CNTN5: variants seen among roughly 807,000 people sequenced by gnomAD.
The protein encoded by CNTN5 is contactin-5.
In CNTN5, 77 loss-of-function variants were observed where a neutral mutation model predicts 129.1. The observed-to-expected ratio is 0.60, with a 90% CI of 0.50 to 0.72. The LOEUF (loss-of-function observed/expected upper bound fraction) is 0.72, where lower values mean the gene tolerates loss of function less well. Ranked by LOEUF, CNTN5 falls within the 30% of genes least tolerant of loss-of-function variation. The pLI is 0.00. For synonymous variants in CNTN5, 509 were observed against 465.6 expected (o/e 1.09, Z -1.20); for missense variants, 1,478 against 1,328.8 (o/e 1.11, Z -1.75).
At position 99,484,821 on chromosome 11, in the gene CNTN5, T is replaced by C. The variant is rs1945746148; in HGVS notation, c.-70-71324T>C. On this transcript the variant is annotated intron_variant, in intron 2 of 24. Coordinates refer to ENST00000524871, the MANE Select transcript of CNTN5 (RefSeq NM_014361.4). ...CCACCTGTTCTCATTCACATTCATA[T>C]GTGGAAGCAAAAACACATACAAACA... Among the ~76,000 whole-genome samples, 3 of 152,100 alleles carry C rather than the reference T, an allele frequency of 2.0e-5. No homozygotes were observed. In the South Asian group the frequency reaches 6.2e-4, roughly 32 times the overall value.
chr11:99,823,457 CA>C, intron 4 of CNTN5, among the ~76,000 whole-genome samples: 1 of 151,918 alleles, frequency 6.6e-6, no homozygotes, highest in Middle Eastern at 3.4e-3. Context: ...ATATTTTCTA[CA>C]AGGCCTACTT....
intron 3 of CNTN5, among the ~76,000 whole-genome samples, chr11:99,765,900 T>A (rs1944738268): frequency 6.6e-6 from 1 of 151,918 alleles, no homozygotes; most frequent in African/African-American, 2.4e-5. Context: ...AGTCAAATAA[T>A]ACAATCACAT....
Position 99,714,469 on chromosome 11 carries a change from A to G in CNTN5, c.56-105075A>G, listed in dbSNP as rs191979705. Among the ~76,000 whole-genome samples, 105 of 152,074 alleles carry G rather than the reference A, an allele frequency of 6.9e-4. 1 individual carries two copies. The East Asian group carries it at 0.014, about 21-fold the overall frequency. On this transcript the variant is annotated intron_variant, in intron 3 of 24. Coordinates refer to ENST00000524871, the MANE Select transcript of CNTN5 (RefSeq NM_014361.4). ...ACAAAAGGAGTCTACCTAATGAAGC[A>G]TAGGGTCTGGATGGTTTAACTTATT...
At chr11:99,070,181 C>G (rs920104466) in intron 1 of CNTN5, among the ~76,000 whole-genome samples, 1 of 152,138 alleles carries the variant, frequency 6.6e-6, no homozygotes, top group Non-Finnish European at 1.5e-5. Flanking sequence ...GGTTGTGACT[C>G]CAGAATCTAT....
At chr11:99,273,194 A>T (rs150256046) in intron 1 of CNTN5, among the ~76,000 whole-genome samples, 1 of 151,916 alleles carries the variant, frequency 6.6e-6, no homozygotes, top group East Asian at 1.9e-4. Context: ...GAAGGGACAT[A>T]TGCACCAATT....
At chr11:100,184,319 ATAGAG>A (rs1166777898) in intron 13 of CNTN5, among the ~76,000 whole-genome samples, 1 of 152,192 alleles carries the variant, frequency 6.6e-6, no homozygotes, top group African/African-American at 2.4e-5. Context: ...AAGATCACAC[ATAGAG>A]TAGTCAGTGT....
chr11:99,316,209 C>T (rs1865335777), intron 1 of CNTN5, among the ~76,000 whole-genome samples: 1 of 152,008 alleles, frequency 6.6e-6, no homozygotes, highest in African/African-American at 2.4e-5. Flanking sequence ...TTATCGTATC[C>T]AAGATGAAAG....
chr11:99,808,840 A>G (rs1043183449), intron 3 of CNTN5, among the ~76,000 whole-genome samples: 5 of 152,214 alleles, frequency 3.3e-5, no homozygotes, highest in African/African-American at 9.6e-5. Flanking sequence ...CCTATTATGC[A>G]CCTATTCCTC....
intron 3 of CNTN5, among the ~76,000 whole-genome samples, chr11:99,790,923 G>T (rs1119258): frequency 0.31 from 46,610 of 151,926 alleles, 7,513 homozygotes; most frequent in Non-Finnish European, 0.38. Context: ...ATATTGAACA[G>T]TTTAATATCC....
chr11:100,033,030 A>G (rs1173857832), intron 9 of CNTN5, among the ~76,000 whole-genome samples: 1 of 152,224 alleles, frequency 6.6e-6, no homozygotes, highest in Non-Finnish European at 1.5e-5. Context: ...ACAAGTTGAA[A>G]ATTAAATAGG....
At position 99,188,545 on chromosome 11, in the gene CNTN5, G is replaced by A. The variant is rs1022650771; in HGVS notation, c.-209-136801G>A. Among the ~76,000 whole-genome samples the A allele has an allele frequency of 3.3e-5, 5 of 151,650 alleles. 1 individual carries two copies. Among genetic ancestry groups the A allele is most frequent in the South Asian group, 4.2e-4 (2 of 4,796 alleles). The stretch of plus-strand genomic sequence containing the variant: ...TGAGCAACTTTCATGTTTACAATCT[G>A]CAATTATTCAAAACATGATTTTAAT... On this transcript the variant is annotated intron_variant, in intron 1 of 24. Coordinates refer to ENST00000524871, the MANE Select transcript of CNTN5 (RefSeq NM_014361.4).
At chr11:99,848,902 A>C (rs1300847626) in intron 6 of CNTN5, among the ~76,000 whole-genome samples, 1 of 152,182 alleles carries the variant, frequency 6.6e-6, no homozygotes, top group Non-Finnish European at 1.5e-5. Flanking sequence ...GATCTGTTTA[A>C]CAGACCAGTT....
chr11:99,556,255 C>G lies in CNTN5; in HGVS notation c.41C>G (p.Thr14Ser), dbSNP rs1017792934. ...SWKLMLFLSVTMCLSEYSKSL... is the reference protein window; with the variant it reads ...SWKLMLFLSVSMCLSEYSKSL... ...AAACTAATGCTGTTTCTGTCAGTCA[C>G]CATGTGTCTTTCAGGTAAAAGTCCT... The change falls in exon 3 of 25, where the codon ACC (threonine) becomes AGC (serine). Residue 14 changes from threonine to serine, a missense_variant. Transcript: ENST00000524871. 4.6e-6 allele frequency: 7 copies of G among 1,525,726 alleles called. No individual in the cohort carries two copies. The African/African-American group carries it at 9.7e-5, about 21-fold the overall frequency. 94.5% of individuals were successfully genotyped at this position (1,525,726 alleles called of 1,614,324 possible). A position where few individuals can be genotyped will look rare whatever the true frequency, so the allele number is the denominator to read the frequency against.
intron 1 of CNTN5, among the ~76,000 whole-genome samples, chr11:99,174,955 C>G (rs555027646): frequency 9.9e-5 from 15 of 152,046 alleles, no homozygotes; most frequent in African/African-American, 3.6e-4. Context: ...GGTTTAAGGC[C>G]AGGCATGGTG....
intron 9 of CNTN5, among the ~76,000 whole-genome samples, chr11:100,042,228 T>TC (rs201423521): frequency 0.015 from 2,022 of 132,632 alleles, 39 homozygotes; most frequent in African/African-American, 0.055. Flanking sequence ...GTTCTCTCTC[T>TC]TTTTTTTTTT....
chr11:99,323,173 C>G (rs1307222819), intron 1 of CNTN5, among the ~76,000 whole-genome samples: 4 of 151,998 alleles, frequency 2.6e-5, no homozygotes, highest in African/African-American at 9.7e-5. Flanking sequence ...TATTATAATT[C>G]CTTGAGCAGA....
chr11:100,175,978 A>G (rs1334221883), intron 13 of CNTN5, among the ~76,000 whole-genome samples: 1 of 152,096 alleles, frequency 6.6e-6, no homozygotes, highest in African/African-American at 2.4e-5. Flanking sequence ...TGCTAGAAAA[A>G]TGTAAAAATT....
In CNTN5 at chr11:99,962,101, T is replaced by A. The variant is rs563206545; in HGVS notation, c.877+5092T>A. ...TCATACTAAGATAATATGAAAAAAC[T>A]TGAAACATAAAATTACTCTAAGGAA... On this transcript the variant is annotated intron_variant, in intron 8 of 24. Transcript: ENST00000524871. Among the ~76,000 whole-genome samples the A allele has an allele frequency of 7.6e-5, 11 of 144,758 alleles. No individual in the cohort carries two copies. In the South Asian group the frequency reaches 2.1e-3, roughly 28 times the overall value. 95.0% of individuals were successfully genotyped at this position (144,758 alleles called of 152,430 possible).
chr11:99,215,983 A>G (rs1227755976), intron 1 of CNTN5, among the ~76,000 whole-genome samples: 1 of 152,212 alleles, frequency 6.6e-6, no homozygotes, highest in African/African-American at 2.4e-5. Context: ...ATCAGTATCC[A>G]TCACCTCAAG....
Sources: gnomAD v4.1 joint callset for allele counts (sites outside exome capture counted in the v4.1 genomes callset) on GRCh38, gnomAD v4.1.1 for gene constraint, MANE v1.5 for transcripts, NCBI Gene and HGNC (gene_info 2026-07-23, HGNC 2026-07-21) for gene names.